UBE2E2: variants seen among roughly 807,000 people sequenced by gnomAD.
The protein encoded by UBE2E2 is ubiquitin-conjugating enzyme E2 E2.
A neutral mutation model predicts 24.7 loss-of-function variants in UBE2E2; 6 were observed. That is an observed-to-expected ratio of 0.24 (90% CI 0.13 to 0.48). The LOEUF (loss-of-function observed/expected upper bound fraction) is 0.48, where lower values mean the gene tolerates loss of function less well. Among genes scored for constraint, UBE2E2 ranks in the 20% least tolerant of loss-of-function variants. The probability of loss-of-function intolerance (pLI) is 0.99; values close to 1 mark genes in which losing one functional copy is unlikely to be tolerated. For synonymous variants in UBE2E2, 104 were observed against 83.6 expected, an observed-to-expected ratio of 1.24 and a Z score of -1.33; for missense variants, 169 against 245.0, an observed-to-expected ratio of 0.69 and a Z score of 2.07.
chr3:23,288,110 T>C (rs1022417684), intron 3 of UBE2E2, among the ~76,000 whole-genome samples: 1 of 152,152 alleles, frequency 6.6e-6, no homozygotes, highest in African/African-American at 2.4e-5. Flanking sequence ...CTATAGGTTT[T>C]GCTATGTTGT....
rs563067153 is a variant in UBE2E2 at position 23,311,735 on chromosome 3, A to T, written c.227+94423A>T. On this transcript the variant is annotated intron_variant, in intron 3 of 5. Coordinates refer to ENST00000396703, the MANE Select transcript of UBE2E2 (RefSeq NM_152653.4). ...TAGTTTTTAGTTTTTATTTATTTAA[A>T]TTTTTTCTTTTTAAATCGTGGGTAC... Among the ~76,000 whole-genome samples, 164 of 152,172 alleles carry T rather than the reference A, an allele frequency of 1.1e-3. 1 individual carries two copies. In the South Asian group the frequency reaches 0.012, roughly 12 times the overall value.
At chr3:23,324,974 A>G (rs1575561529) in intron 3 of UBE2E2, among the ~76,000 whole-genome samples, 1 of 152,186 alleles carries the variant, frequency 6.6e-6, no homozygotes, top group East Asian at 1.9e-4. Context: ...AACTGAAATG[A>G]AACTATAAAT....
intron 3 of UBE2E2, among the ~76,000 whole-genome samples, chr3:23,240,340 A>G (rs938682786): frequency 1.3e-5 from 2 of 152,222 alleles, no homozygotes; most frequent in African/African-American, 4.8e-5. Flanking sequence ...GGATTACCCA[A>G]TGAAATTTTT....
At chr3:23,512,280 C>T (rs1220863976) in intron 4 of UBE2E2, among the ~76,000 whole-genome samples, 1 of 151,486 alleles carries the variant, frequency 6.6e-6, no homozygotes, top group Admixed American at 6.6e-5. Context: ...TGCAGTGGCA[C>T]GATCTCAGCT....
intron 3 of UBE2E2, among the ~76,000 whole-genome samples, chr3:23,229,459 CT>C (rs1304291341): frequency 3.3e-5 from 5 of 152,136 alleles, no homozygotes; most frequent in Admixed American, 3.3e-4. Context: ...CCCTTTCCCC[CT>C]GAGTCCCCAA....
rs1175460067 is a variant in UBE2E2 at position 23,590,691 on chromosome 3, TCTAATATTTCTTTGGAGTTGAGTTG to T, written c.*863_*887del. On this transcript the variant is annotated 3_prime_UTR_variant, in exon 6 of 6. Coordinates refer to ENST00000396703, the MANE Select transcript of UBE2E2 (RefSeq NM_152653.4). ...TCAAGTGTATTTTTCATCTCAAACC[TCTAATATTTCTTTGGAGTTGAGTTG>T]CTTAGCATGTGGAATTTCTCCAGCT... 2 of 152,350 alleles carry T rather than the reference TCTAATATTTCTTTGGAGTTGAGTTG, an allele frequency of 1.3e-5. No individual in the cohort carries two copies. Among genetic ancestry groups the T allele is most frequent in the South Asian group, 2.1e-4 (1 of 4,828 alleles). 9.4% of individuals were successfully genotyped at this position (152,350 alleles called of 1,614,324 possible). A position where few individuals can be genotyped will look rare whatever the true frequency, so the allele number is the denominator to read the frequency against.
chr3:23,267,254 A>G (rs1434219529), intron 3 of UBE2E2, among the ~76,000 whole-genome samples: 11 of 150,696 alleles, frequency 7.3e-5, no homozygotes, highest in Admixed American at 1.3e-4. Flanking sequence ...CAAAAAATAA[A>G]TGAATCCAGG....
intron 3 of UBE2E2, among the ~76,000 whole-genome samples, chr3:23,321,976 A>G (rs960551483): frequency 2.0e-5 from 3 of 152,124 alleles, no homozygotes; most frequent in Non-Finnish European, 4.4e-5. Context: ...ATTTTTCAAC[A>G]TACTCAACTG....
At chr3:23,386,669 T>C (rs1480818548) in intron 3 of UBE2E2, among the ~76,000 whole-genome samples, 1 of 152,244 alleles carries the variant, frequency 6.6e-6, no homozygotes, top group Non-Finnish European at 1.5e-5. Flanking sequence ...AATTTTTACA[T>C]ATTAAGAGCC....
intron 3 of UBE2E2, among the ~76,000 whole-genome samples, chr3:23,400,267 A>C (rs1354961552): frequency 1.3e-5 from 2 of 152,144 alleles, no homozygotes; most frequent in Non-Finnish European, 2.9e-5. Flanking sequence ...ATTCTTACCA[A>C]TTTCTTTGTC....
chr3:23,255,065 T>G (rs1317249366), intron 3 of UBE2E2, among the ~76,000 whole-genome samples: 2 of 149,462 alleles, frequency 1.3e-5, no homozygotes, highest in African/African-American at 2.5e-5. Flanking sequence ...GAGATCAGTT[T>G]AAGGAGTAAC....
In UBE2E2 at chr3:23,291,849, A is replaced by ATTTTTTTTTTTTT. The variant is rs57708620; in HGVS notation, c.227+74552_227+74564dup. ...AGATGTGTGCCACCATGCCCGGCTA[A>ATTTTTTTTTTTTT]TTTTTTTTTTTTTTTTTTTTTTTTT... On this transcript the variant is annotated intron_variant, in intron 3 of 5. Transcript: ENST00000396703. Among the ~76,000 whole-genome samples, 7 of 64,036 alleles carry ATTTTTTTTTTTTT rather than the reference A, an allele frequency of 1.1e-4. 1 individual carries two copies. The highest frequency in any genetic ancestry group is 2.6e-4 in the Admixed American group (1 of 3,862). 42.0% of individuals were successfully genotyped at this position (64,036 alleles called of 152,430 possible).
At chr3:23,230,171 A>G (rs976972613) in intron 3 of UBE2E2, among the ~76,000 whole-genome samples, 7 of 152,194 alleles carry the variant, frequency 4.6e-5, no homozygotes, top group Non-Finnish European at 7.3e-5. Flanking sequence ...TGTCAGTTCT[A>G]TTAATTGGTT....
Position 23,468,625 on chromosome 3 carries a change from A to G in UBE2E2, c.228-30983A>G, listed in dbSNP as rs373769643. Among the ~76,000 whole-genome samples the G allele has an allele frequency of 2.8e-4, 42 of 152,362 alleles. No individual in the cohort carries two copies. The East Asian group carries it at 6.9e-3, about 25-fold the overall frequency. ...ACCTAGATTCAAATTCTGTTTCTCT[A>G]CTTGCATGACATTAGGCAAGTCACC... is the stretch of plus-strand genomic sequence containing the variant. On this transcript the variant is annotated intron_variant, in intron 3 of 5. Coordinates refer to ENST00000396703, the MANE Select transcript of UBE2E2 (RefSeq NM_152653.4).
chr3:23,485,868 A>G (rs564039195), intron 3 of UBE2E2, among the ~76,000 whole-genome samples: 4 of 152,198 alleles, frequency 2.6e-5, no homozygotes, highest in Non-Finnish European at 5.9e-5. Flanking sequence ...AGAGCCTTTA[A>G]AGAGAAACTC....
rs1273619816 is a variant in UBE2E2 at position 23,248,867 on chromosome 3, A to G, written c.227+31555A>G. Reference sequence around the variant, plus strand: ...ACAGTGAGTGATCTGTTGCAGTGCTAGAGGAACATTGGCTGTTTTGGCCTT... The same window carrying G: ...ACAGTGAGTGATCTGTTGCAGTGCTGGAGGAACATTGGCTGTTTTGGCCTT... On this transcript the variant is annotated intron_variant, in intron 3 of 5. Coordinates refer to ENST00000396703, the MANE Select transcript of UBE2E2 (RefSeq NM_152653.4). 2.0e-5 allele frequency among the ~76,000 whole-genome samples: 3 copies of G among 152,238 alleles called. No homozygotes were observed. In the East Asian group the frequency reaches 5.8e-4, roughly 29 times the overall value.
At chr3:23,222,027 G>A (rs1405980924) in intron 3 of UBE2E2, among the ~76,000 whole-genome samples, 1 of 151,644 alleles carries the variant, frequency 6.6e-6, no homozygotes, top group African/African-American at 2.4e-5. Context: ...CCTGGCCTCT[G>A]GTAACTACCA....
chr3:23,225,327 TTTG>T (rs1439516400), intron 3 of UBE2E2, among the ~76,000 whole-genome samples: 1 of 152,178 alleles, frequency 6.6e-6, no homozygotes, highest in East Asian at 1.9e-4. Context: ...TGTTTTTTCT[TTTG>T]TTGTTTGTGC....
intron 3 of UBE2E2, among the ~76,000 whole-genome samples, chr3:23,440,043 G>A (rs535970848): frequency 1.3e-5 from 2 of 151,792 alleles, no homozygotes; most frequent in South Asian, 2.1e-4. Flanking sequence ...AGGCCGAGGT[G>A]GGTGGATCAC....
Sources: allele counts gnomAD v4.1 joint callset (sites outside exome capture counted in the v4.1 genomes callset), GRCh38; gene constraint gnomAD v4.1.1; transcripts MANE v1.5; gene names NCBI Gene and HGNC (gene_info 2026-07-23, HGNC 2026-07-21).